The following TTC8 variants were observed in gnomAD, a reference collection of about 807,000 sequenced individuals.
The protein encoded by TTC8 is tetratricopeptide repeat protein 8.
A neutral mutation model predicts 72.5 loss-of-function variants in TTC8; 47 were observed. The observed-to-expected ratio is 0.65, with a 90% CI of 0.51 to 0.83. The LOEUF is 0.83. Among genes scored for constraint, TTC8 ranks in the 40% least tolerant of loss-of-function variants. TTC8 has a pLI of 0.00. For synonymous variants in TTC8, 199 were observed against 221.4 expected, an observed-to-expected ratio of 0.90 and a Z score of 0.90; for missense variants, 611 against 623.2, an observed-to-expected ratio of 0.98 and a Z score of 0.21.
intron 8 of TTC8, among the ~76,000 whole-genome samples, chr14:88,856,175 T>C (rs1359566929): frequency 1.3e-5 from 2 of 152,224 alleles, no homozygotes; most frequent in African/African-American, 4.8e-5. Context: ...ATTTTATAAA[T>C]ACTCCCTGTG....
In TTC8 at chr14:88,871,870, A is replaced by G. The variant is rs1458696711; in HGVS notation, c.1224+147A>G. 1.1e-6 allele frequency: 1 copy of G among 876,138 alleles called. No homozygotes were observed. The highest frequency in any genetic ancestry group is 1.8e-6 in the Non-Finnish European group (1 of 546,352). The allele number at this position is 876,138 out of a possible 1,614,324, so 54.3% of individuals were successfully genotyped here. A position where few individuals can be genotyped will look rare whatever the true frequency, so the allele number is the denominator to read the frequency against. On this transcript the variant is annotated intron_variant, in intron 12 of 14. Transcript: ENST00000380656. This position sits in a 1 kb window ranked among gnomAD's most constrained non-coding sequence, Gnocchi z 4.1. The stretch of plus-strand genomic sequence containing the variant: ...AGTTTGAGACCACCCTGGGCAACAT[A>G]GTGGGACTCTGTCTCTACAAAAAAT...
chr14:88,872,393 C>T lies in TTC8; in HGVS notation c.1288C>T (p.His430Tyr). 1 of 1,614,008 alleles carries T rather than the reference C, an allele frequency of 6.2e-7. No homozygotes were observed. The highest frequency in any genetic ancestry group is 8.5e-7 in the Non-Finnish European group (1 of 1,179,932). The stretch of plus-strand genomic sequence containing the variant: ...GCTGGCTCTGGTCAACAACAACAAC[C>T]ACGCCGAGGCCTACAACAACCTGGC... ...FRLALVNNNNHAEAYNNLAVL... is the reference protein window; with the variant it reads ...FRLALVNNNNYAEAYNNLAVL... Residue 430 changes from histidine (H) to tyrosine (Y), a missense_variant, in exon 13 of 15, where the codon CAC becomes TAC. Transcript: ENST00000380656.
Position 88,840,848 on chromosome 14 carries a change from G to A in TTC8, c.266-17G>A. ...AATAGATAATATATAAATTGTATTAGCCATCTTGTCTCCTAGGCCCTGGAA... is the reference window on the plus strand; with the variant it reads ...AATAGATAATATATAAATTGTATTAACCATCTTGTCTCCTAGGCCCTGGAA... On this transcript the variant is annotated splice_polypyrimidine_tract_variant and intron_variant, in intron 3 of 14. Transcript: ENST00000380656. 2 of 1,612,756 alleles carry A rather than the reference G, an allele frequency of 1.2e-6. No individual in the cohort carries two copies. Among genetic ancestry groups the A allele is most frequent in the Non-Finnish European group, 1.7e-6 (2 of 1,178,974 alleles).
intron 4 of TTC8, 45 bp from the exon 5 acceptor site, chr14:88,840,992 C>T (rs1402428588): frequency 6.2e-7 from 1 of 1,613,844 alleles, no homozygotes; most frequent in Non-Finnish European, 8.5e-7. Flanking sequence ...AGAGTCTTTC[C>T]TCAAATGATC....
chr14:88,840,398 T>C (rs139189752), intron 3 of TTC8: 1 of 160,912 alleles, frequency 6.2e-6, no homozygotes. Context: ...AAAATACATA[T>C]TTTTATGTTA....
chr14:88,876,923 G>A (rs2094959706), intron 14 of TTC8, among the ~76,000 whole-genome samples: 1 of 152,024 alleles, frequency 6.6e-6, no homozygotes, highest in Non-Finnish European at 1.5e-5. Flanking sequence ...TCTAGAGCTG[G>A]CTGTTTCAGC....
chr14:88,872,007 G>A (rs190101208), intron 12 of TTC8, among the ~76,000 whole-genome samples: 16 of 152,258 alleles, frequency 1.1e-4, no homozygotes, highest in Admixed American at 8.5e-4. Flanking sequence ...AGCTGTGATC[G>A]TAGCACTGCA....
intron 7 of TTC8, among the ~76,000 whole-genome samples, chr14:88,847,974 T>G (rs922978746): frequency 1.1e-4 from 16 of 151,778 alleles, no homozygotes; most frequent in Non-Finnish European, 5.9e-5. Flanking sequence ...AATACAAAAA[T>G]TAGCTAGGCA....
intron 7 of TTC8, among the ~76,000 whole-genome samples, chr14:88,851,481 A>G (rs1162167554): frequency 6.6e-6 from 1 of 152,180 alleles, no homozygotes; most frequent in East Asian, 1.9e-4. Context: ...CTTTTTCTAA[A>G]AAATAGAAGG....
intron 6 of TTC8, among the ~76,000 whole-genome samples, chr14:88,842,555 A>C (rs939903525): frequency 1.9e-4 from 29 of 152,116 alleles, no homozygotes; most frequent in Admixed American, 1.3e-4. Context: ...CTGGTTCCCT[A>C]CCCTTTAAGG....
At chr14:88,875,993 A>G (rs2094955862) in intron 14 of TTC8, among the ~76,000 whole-genome samples, 4 of 152,156 alleles carry the variant, frequency 2.6e-5, no homozygotes, top group African/African-American at 4.8e-5. Context: ...TTTGGCACAG[A>G]GGATGTAATG....
rs1233897467 is a variant in TTC8 at position 88,872,438 on chromosome 14, G to A, written c.1333G>A (p.Gly445Ser). 2 of 1,613,720 alleles carry A rather than the reference G, an allele frequency of 1.2e-6. No individual in the cohort carries two copies. The highest frequency in any genetic ancestry group is 1.3e-5 in the African/African-American group (1 of 74,898). Residue 445 changes from glycine to serine, a missense_variant, in exon 13 of 15, where the codon GGC (glycine) becomes AGC (serine). By Grantham distance (56) the Gly-to-Ser change is moderately conservative (BLOSUM62 0). Coordinates refer to ENST00000380656, the MANE Select transcript of TTC8 (RefSeq NM_144596.4). ...CCTGGCTGTGCTGGAGATGCGGAAG[G>A]GCCACGTTGAACAGGTCAGTGAACT... ...NNLAVLEMRK[G>S]HVEQARALLQ...
intron 9 of TTC8, among the ~76,000 whole-genome samples, chr14:88,860,123 T>C (rs935112716): frequency 1.1e-4 from 17 of 150,634 alleles, no homozygotes; most frequent in African/African-American, 3.9e-4. Context: ...TTATTTGTTA[T>C]ATTTTTAAAA....
At position 88,877,361 on chromosome 14, in the gene TTC8, A is replaced by T; in HGVS notation, c.1499A>T (p.Asp500Val). The change falls in exon 15 of 15, where the codon GAC becomes GTC. Residue 500 changes from aspartate to valine, a missense_variant. Asp to Val is a radical substitution (Grantham distance 152). Transcript: ENST00000380656. ...KSEAAFPDHV[D>V]TQHLIKQLRQ... Reference sequence around the variant, plus strand: ...GAAGCAGCATTTCCAGACCATGTGGACACACAACATTTAATTAAACAATTA... The same window carrying T: ...GAAGCAGCATTTCCAGACCATGTGGTCACACAACATTTAATTAAACAATTA... The T allele has an allele frequency of 6.2e-7, 1 of 1,613,844 alleles. No individual in the cohort carries two copies. Among genetic ancestry groups the T allele is most frequent in the Non-Finnish European group, 8.5e-7 (1 of 1,179,820 alleles).
chr14:88,835,208 T>C (rs1385954088), intron 2 of TTC8, among the ~76,000 whole-genome samples: 1 of 152,222 alleles, frequency 6.6e-6, no homozygotes. Flanking sequence ...TAAAATTGTT[T>C]CTTACATGCT....
chr14:88,834,531 CT>C (rs1267197637), intron 2 of TTC8, among the ~76,000 whole-genome samples: 1 of 152,028 alleles, frequency 6.6e-6, no homozygotes, highest in African/African-American at 2.4e-5. Flanking sequence ...ATTAGCAAAC[CT>C]TTTAGAATAA....
rs1345731665 is a variant in TTC8 at position 88,824,737 on chromosome 14, G to A, written c.30G>A (p.Leu10=). ...GCTCGGAGATGGAGCCGCTGCTCCT[G>A]GCCTGGAGCTATTTTAGGCGCAGGA... The part of the protein sequence containing the change: MSSEMEPLL[L]AWSYFRRRKF... Residue 10 remains leucine, a synonymous_variant, in exon 1 of 15, where the codon CTG becomes CTA. Transcript: ENST00000380656. 1 of 1,611,660 alleles carries A rather than the reference G, an allele frequency of 6.2e-7. No individual in the cohort carries two copies. Among genetic ancestry groups the A allele is most frequent in the South Asian group, 1.1e-5 (1 of 90,542 alleles).
chr14:88,837,480 C>G (rs1469033667), intron 2 of TTC8, among the ~76,000 whole-genome samples: 1 of 152,158 alleles, frequency 6.6e-6, no homozygotes, highest in African/African-American at 2.4e-5. Flanking sequence ...ATTTACTCCT[C>G]TTTGTATACT....
intron 8 of TTC8, among the ~76,000 whole-genome samples, chr14:88,856,947 C>T (rs1595964721): frequency 6.6e-6 from 1 of 152,148 alleles, no homozygotes; most frequent in African/African-American, 2.4e-5. Flanking sequence ...TATCTTAGTC[C>T]TGCTGTGACT....
Sources: allele counts gnomAD v4.1 joint callset (sites outside exome capture counted in the v4.1 genomes callset), GRCh38; gene constraint gnomAD v4.1.1; non-coding constraint Gnocchi (gnomAD v3.1); transcripts MANE v1.5; gene names NCBI Gene and HGNC (gene_info 2026-07-23, HGNC 2026-07-21).